Variants in CRMP1 observed in about 807,000 individuals in gnomAD.
CRMP1 encodes the protein collapsin response mediator protein 1.
In CRMP1, 19 loss-of-function variants were observed where a neutral mutation model predicts 68.3. That is an observed-to-expected ratio of 0.28 (90% CI 0.19 to 0.41). The LOEUF (loss-of-function observed/expected upper bound fraction) is 0.41, where lower values mean the gene tolerates loss of function less well. Ranked by LOEUF, CRMP1 falls within the 10% of genes least tolerant of loss-of-function variation. The probability of loss-of-function intolerance (pLI) is 1.00; values close to 1 mark genes in which losing one functional copy is unlikely to be tolerated. For missense variants in CRMP1, 791 were observed against 967.4 expected (o/e 0.82, Z 2.42); for synonymous variants, 439 against 399.6 (o/e 1.10, Z -1.18).
chr4:5,870,035 C>T lies in CRMP1; in HGVS notation c.382-3279G>A, dbSNP rs147697742. 1.3e-3 allele frequency among the ~76,000 whole-genome samples: 197 copies of T among 152,302 alleles called. No homozygotes were observed. Among genetic ancestry groups the T allele is most frequent in the African/African-American group, 4.5e-3 (188 of 41,578 alleles). On this transcript the variant is annotated intron_variant, in intron 1 of 13. Coordinates refer to ENST00000324989, the MANE Select transcript of CRMP1 (RefSeq NM_001014809.3). The surrounding 1 kb of genome is among the most constrained non-coding windows in gnomAD (Gnocchi z 6.0). The stretch of plus-strand genomic sequence containing the variant: ...AAGAAGAGTTTAACCCAAACTAAGG[C>T]ATCAGAAACACATCATGCAGTCGGC...
rs888117222 is a variant in CRMP1, at chr4:5,827,292, G to A, written c.1803+1197C>T. 6.6e-5 allele frequency among the ~76,000 whole-genome samples: 10 copies of A among 152,182 alleles called. 1 individual carries two copies. The South Asian group carries it at 2.1e-3, about 32-fold the overall frequency. On this transcript the variant is annotated intron_variant, in intron 12 of 13. Transcript: ENST00000324989. ...GTGTCCCAGCCAGGGATTTCCATGA[G>A]TCCCCTTGTCCTCATATGGCCTGCT... is the stretch of plus-strand genomic sequence containing the variant.
At chr4:5,878,828 T>G (rs1398290347) in intron 1 of CRMP1, among the ~76,000 whole-genome samples, 3 of 152,048 alleles carry the variant, frequency 2.0e-5, no homozygotes, top group Non-Finnish European at 2.9e-5. Context: ...CCTTGCAACG[T>G]GGGGTAACAT....
In CRMP1 at chr4:5,842,525, C is replaced by A. The variant is rs1017622480; in HGVS notation, c.1032+568G>T. Among the ~76,000 whole-genome samples the A allele has an allele frequency of 6.6e-6, 1 of 151,882 alleles. No homozygotes were observed. The highest frequency in any genetic ancestry group is 1.5e-5 in the Non-Finnish European group (1 of 67,978). ...GCCAGGGTGCCCACTCTATTCCATG[C>A]CCGATCAGCTTGCCTTCCTCCTTCC... is the stretch of plus-strand genomic sequence containing the variant. On this transcript the variant is annotated intron_variant, in intron 7 of 13. Coordinates refer to ENST00000324989, the MANE Select transcript of CRMP1 (RefSeq NM_001014809.3). This position sits in a 1 kb window ranked among gnomAD's most constrained non-coding sequence, Gnocchi z 4.5.
Position 5,888,386 on chromosome 4 carries a change from G to C in CRMP1, c.381+4203C>G, listed in dbSNP as rs1302844836. The C allele has an allele frequency of 8.2e-7, 1 of 1,223,732 alleles. No individual in the cohort carries two copies. The highest frequency in any genetic ancestry group is 3.2e-5 in the East Asian group (1 of 30,930). 75.8% of individuals were successfully genotyped at this position (1,223,732 alleles called of 1,614,324 possible). A position where few individuals can be genotyped will look rare whatever the true frequency, so the allele number is the denominator to read the frequency against. ...AAAGGCCCGGGAGGGATAGAGACAC[G>C]GACGGAGGCTCGGCGCCCGTGGATG... On this transcript the variant is annotated intron_variant, in intron 1 of 13. Coordinates refer to ENST00000324989, the MANE Select transcript of CRMP1 (RefSeq NM_001014809.3). The surrounding 1 kb of genome is among the most constrained non-coding windows in gnomAD (Gnocchi z 6.4).
In CRMP1 at chr4:5,838,943, G is replaced by A. The variant is rs1229808413; in HGVS notation, c.1310+579C>T. 6.6e-6 allele frequency among the ~76,000 whole-genome samples: 1 copy of A among 152,190 alleles called. No homozygotes were observed. Among genetic ancestry groups the A allele is most frequent in the Non-Finnish European group, 1.5e-5 (1 of 68,042 alleles). ...CAGAGCGGCCTGGACACTTAGCCTC[G>A]CTGTGTGGCCCTGCTATTGCTAAGT... is the stretch of plus-strand genomic sequence containing the variant. On this transcript the variant is annotated intron_variant, in intron 9 of 13. Transcript: ENST00000324989. The surrounding 1 kb of genome is among the most constrained non-coding windows in gnomAD (Gnocchi z 4.9).
rs1407787883 is a variant in CRMP1 at position 5,877,648 on chromosome 4, TC to T, written c.382-10893del. Among the ~76,000 whole-genome samples, 1 of 152,256 alleles carries T rather than the reference TC, an allele frequency of 6.6e-6. No homozygotes were observed. The highest frequency in any genetic ancestry group is 1.9e-4 in the East Asian group (1 of 5,178). ...CTGAATCTAATTAACACACATTCGT[TC>T]CCCCTCTCACGGGTAGGGGACAGGG... On this transcript the variant is annotated intron_variant, in intron 1 of 13. Transcript: ENST00000324989. The surrounding 1 kb of genome is among the most constrained non-coding windows in gnomAD (Gnocchi z 4.3).
Position 5,852,905 on chromosome 4 carries a change from C to G in CRMP1, c.821-1436G>C, listed in dbSNP as rs552975869. ...GCTAGGAAAAGGCAGGGAGACTGTT[C>G]CTGAAGGGGCCAGTACTCACTCACA... On this transcript the variant is annotated intron_variant, in intron 4 of 13. Transcript: ENST00000324989. Among the ~76,000 whole-genome samples, 14 of 152,192 alleles carry G rather than the reference C, an allele frequency of 9.2e-5. No homozygotes were observed. In the East Asian group the frequency reaches 2.7e-3, roughly 30 times the overall value.
chr4:5,873,179 G>A (rs1714580852), intron 1 of CRMP1, among the ~76,000 whole-genome samples: 2 of 152,176 alleles, frequency 1.3e-5, no homozygotes, highest in African/African-American at 4.8e-5. Context: ...GGCCTTTGCT[G>A]CCAGTGTGGG....
chr4:5,843,283 CTA>C lies in CRMP1; in HGVS notation c.964-124_964-123del, dbSNP rs994631909. The C allele has an allele frequency of 3.3e-6, 3 of 898,936 alleles. No individual in the cohort carries two copies. The African/African-American group carries it at 4.9e-5, about 15-fold the overall frequency. 55.7% of individuals were successfully genotyped at this position (898,936 alleles called of 1,614,324 possible). On this transcript the variant is annotated intron_variant, in intron 6 of 13. Coordinates refer to ENST00000324989, the MANE Select transcript of CRMP1 (RefSeq NM_001014809.3). This position sits in a 1 kb window ranked among gnomAD's most constrained non-coding sequence, Gnocchi z 4.1. ...GTCCCAAAGAGGCGAGTGGCTTGCACTAGGTTAACAGTGTGCGGGGTGGGGGC... is the reference window on the plus strand; with the variant it reads ...GTCCCAAAGAGGCGAGTGGCTTGCACGGTTAACAGTGTGCGGGGTGGGGGC...
In CRMP1 at chr4:5,838,066, T is replaced by A. The variant is rs1423589567; in HGVS notation, c.1311-1160A>T. The stretch of plus-strand genomic sequence containing the variant: ...AGGCGTGCTGGGGACAGGCTGGAGA[T>A]GCCATTTCCAGGAGGATAATCAGAA... On this transcript the variant is annotated intron_variant, in intron 9 of 13. Transcript: ENST00000324989. This position sits in a 1 kb window ranked among gnomAD's most constrained non-coding sequence, Gnocchi z 4.9. 6.6e-6 allele frequency among the ~76,000 whole-genome samples: 1 copy of A among 152,146 alleles called. No individual in the cohort carries two copies. The highest frequency in any genetic ancestry group is 1.9e-4 in the East Asian group (1 of 5,186).
In CRMP1 at chr4:5,841,221, G is replaced by A; in HGVS notation, c.1153+87C>T. 6.2e-7 allele frequency: 1 copy of A among 1,604,724 alleles called. No individual in the cohort carries two copies. The highest frequency in any genetic ancestry group is 8.5e-7 in the Non-Finnish European group (1 of 1,173,136). ...CCCTCCCTCCTCCGGCTGCCTGTCT[G>A]AGTTCGGGAGGGAGTGAACTTGAAC... On this transcript the variant is annotated intron_variant, in intron 8 of 13. Coordinates refer to ENST00000324989, the MANE Select transcript of CRMP1 (RefSeq NM_001014809.3). This position sits in a 1 kb window ranked among gnomAD's most constrained non-coding sequence, Gnocchi z 6.9.
intron 3 of CRMP1, among the ~76,000 whole-genome samples, chr4:5,857,431 A>G (rs907986119): frequency 1.3e-5 from 2 of 151,632 alleles, no homozygotes; most frequent in African/African-American, 4.9e-5. Context: ...ACTCACTATC[A>G]TTAACCATAA....
Position 5,828,656 on chromosome 4 carries a change from T to C in CRMP1, c.1636A>G (p.Asn546Asp). ...AKSHKSAVEY[N>D]IFEGMECHGS... ...TGGCACTCCATACCCTCGAAGATGT[T>C]GTACTCCACCGCCTGCACCAACAGC... is the stretch of plus-strand genomic sequence containing the variant. Residue 546 changes from asparagine (N) to aspartate (D), a missense_variant, in exon 12 of 14, where the codon AAC becomes GAC. Transcript: ENST00000324989. 1 of 1,614,016 alleles carries C rather than the reference T, an allele frequency of 6.2e-7. No homozygotes were observed. The highest frequency in any genetic ancestry group is 8.5e-7 in the Non-Finnish European group (1 of 1,179,888).
chr4:5,862,562 A>G (rs566361345), intron 2 of CRMP1, among the ~76,000 whole-genome samples: 16 of 152,270 alleles, frequency 1.1e-4, no homozygotes, highest in African/African-American at 3.6e-4. Flanking sequence ...TAAGCGCATC[A>G]CGGCTTCTCT....
chr4:5,829,931 AT>A (rs1720239476), intron 11 of CRMP1, among the ~76,000 whole-genome samples: 1 of 152,190 alleles, frequency 6.6e-6, no homozygotes, highest in Non-Finnish European at 1.5e-5. Context: ...TCTTTGACAG[AT>A]TTGCCCTCCA....
chr4:5,827,491 G>T (rs1719823214), intron 12 of CRMP1, among the ~76,000 whole-genome samples: 1 of 152,154 alleles, frequency 6.6e-6, no homozygotes, highest in Non-Finnish European at 1.5e-5. Context: ...TGGAGCCTGG[G>T]AATGCAGGAA....
chr4:5,876,146 C>G (rs917162421), intron 1 of CRMP1, among the ~76,000 whole-genome samples: 3 of 146,138 alleles, frequency 2.1e-5, no homozygotes, highest in Non-Finnish European at 4.4e-5. Context: ...GAGTGAGACT[C>G]CATCTCAAAA....
At chr4:5,884,240 T>C (rs749123145) in intron 1 of CRMP1, among the ~76,000 whole-genome samples, 1 of 152,240 alleles carries the variant, frequency 6.6e-6, no homozygotes, top group Non-Finnish European at 1.5e-5. Context: ...TATCCATAGA[T>C]AGGCTGAATG....
intron 2 of CRMP1, among the ~76,000 whole-genome samples, chr4:5,862,386 A>G (rs1203813707): frequency 1.3e-5 from 2 of 152,118 alleles, no homozygotes; most frequent in African/African-American, 2.4e-5. Flanking sequence ...ACCACTACTA[A>G]TAATAACACC....
Sources: allele counts gnomAD v4.1 joint callset (sites outside exome capture counted in the v4.1 genomes callset), GRCh38; gene constraint gnomAD v4.1.1; non-coding constraint Gnocchi (gnomAD v3.1); transcripts MANE v1.5; gene names NCBI Gene and HGNC (gene_info 2026-07-23, HGNC 2026-07-21).